ITPR2: variants seen among roughly 807,000 people sequenced by gnomAD.
ITPR2 encodes inositol 1,4,5-trisphosphate-gated calcium channel ITPR2.
ITPR2 carries 207 observed loss-of-function variants against 317.1 expected under a neutral mutation model. The ratio of observed to expected loss-of-function variants is 0.65; its 90% CI spans 0.58 to 0.73. The LOEUF (loss-of-function observed/expected upper bound fraction) is 0.73. Among genes scored for constraint, ITPR2 ranks in the 30% least tolerant of loss-of-function variants. The pLI, the probability that ITPR2 is intolerant of heterozygous loss-of-function variation, is 0.00. For synonymous variants in ITPR2, 1,156 were observed against 1,149.1 expected (o/e 1.01, Z -0.12); for missense variants, 2,613 against 3,284.0 (o/e 0.80, Z 4.99).
rs185208292 is a variant in ITPR2 at position 26,391,672 on chromosome 12, C to T, written c.7697-4078G>A. On this transcript the variant is annotated intron_variant, in intron 54 of 56. Transcript: ENST00000381340. ...CTCGACCTTCCAGGTTTAAGCGATT[C>T]TCCTGCCTCAGCCTCCCGAGTAGCT... Among the ~76,000 whole-genome samples the T allele has an allele frequency of 3.6e-3, 524 of 144,670 alleles. 8 individuals are homozygous for T. Among genetic ancestry groups the T allele is most frequent in the African/African-American group, 0.013 (504 of 38,976 alleles). 94.9% of individuals were successfully genotyped at this position (144,670 alleles called of 152,430 possible).
At position 26,656,500 on chromosome 12, in the gene ITPR2, C is replaced by T. The variant is rs1027983258; in HGVS notation, c.2241G>A (p.Leu747=). 4.3e-6 allele frequency: 7 copies of T among 1,614,072 alleles called. No individual in the cohort carries two copies. Among genetic ancestry groups the T allele is most frequent in the Non-Finnish European group, 5.9e-6 (7 of 1,180,032 alleles). The part of the protein sequence containing the change: ...FARMCLDRQY[L]AINQISTQLS... ...GCTGTGTAGAAATCTGGTTTATGGC[C>T]AGATACTGGCGATCCAAGCACATCC... is the stretch of plus-strand genomic sequence containing the variant. Residue 747 remains leucine, a synonymous_variant, in exon 19 of 57, where the codon CTG becomes CTA. Coordinates refer to ENST00000381340, the MANE Select transcript of ITPR2 (RefSeq NM_002223.4).
intron 34 of ITPR2, among the ~76,000 whole-genome samples, chr12:26,578,108 A>C (rs1945317243): frequency 6.6e-6 from 1 of 152,086 alleles, no homozygotes; most frequent in South Asian, 2.1e-4. Context: ...AGTACAGCCA[A>C]GTGTGCATTT....
At chr12:26,620,705 T>C (rs1228979507) in intron 26 of ITPR2, among the ~76,000 whole-genome samples, 2 of 152,224 alleles carry the variant, frequency 1.3e-5, no homozygotes, top group Non-Finnish European at 2.9e-5. Context: ...GATACTTTTA[T>C]ATATTATATA....
At chr12:26,521,895 T>A (rs974320276) in intron 37 of ITPR2, among the ~76,000 whole-genome samples, 3 of 152,216 alleles carry the variant, frequency 2.0e-5, no homozygotes, top group Non-Finnish European at 4.4e-5. Flanking sequence ...AAACCAACTC[T>A]GAATTCACTC....
chr12:26,584,802 G>A lies in ITPR2; in HGVS notation c.4381-4647C>T, dbSNP rs534721666. Among the ~76,000 whole-genome samples the A allele has an allele frequency of 2.0e-5, 3 of 152,296 alleles. No homozygotes were observed. In the South Asian group the frequency reaches 6.2e-4, roughly 32 times the overall value. ...TACTCTACAGGGCAGGGCACCTCTA[G>A]AGCCAGTCACATACTTTTGATCATA... On this transcript the variant is annotated intron_variant, in intron 32 of 56. Transcript: ENST00000381340.
intron 2 of ITPR2, among the ~76,000 whole-genome samples, chr12:26,758,677 A>C (rs915515220): frequency 1.3e-5 from 2 of 152,188 alleles, no homozygotes; most frequent in African/African-American, 2.4e-5. Context: ...AGATTGTCTT[A>C]ATAAGTGTCC....
intron 1 of ITPR2, among the ~76,000 whole-genome samples, chr12:26,805,930 A>G (rs912119174): frequency 2.0e-5 from 3 of 152,070 alleles, no homozygotes; most frequent in African/African-American, 7.2e-5. Context: ...GAGCACAGGT[A>G]GCTCAACGTG....
rs915270514 is a variant in ITPR2 at position 26,659,629 on chromosome 12, G to A, written c.1714-344C>T. On this transcript the variant is annotated intron_variant, in intron 15 of 56. Transcript: ENST00000381340. ...TTTGGATTTCATCAGTCTAACAGAGGCTAAGTGGGAAAAATAAATCTAATT... is the reference window on the plus strand; with the variant it reads ...TTTGGATTTCATCAGTCTAACAGAGACTAAGTGGGAAAAATAAATCTAATT... Among the ~76,000 whole-genome samples, 3 of 152,154 alleles carry A rather than the reference G, an allele frequency of 2.0e-5. No homozygotes were observed. The South Asian group carries it at 6.2e-4, about 32-fold the overall frequency.
chr12:26,750,719 C>T (rs1949398392), intron 2 of ITPR2, among the ~76,000 whole-genome samples: 1 of 152,102 alleles, frequency 6.6e-6, no homozygotes, highest in Non-Finnish European at 1.5e-5. Context: ...AAGAAACACA[C>T]AGACAGAAGG....
chr12:26,445,532 G>A (rs1236474419), intron 45 of ITPR2, among the ~76,000 whole-genome samples: 1 of 147,300 alleles, frequency 6.8e-6, no homozygotes, highest in Non-Finnish European at 1.5e-5. Flanking sequence ...AAAACCCCAC[G>A]CAGCCAGGTG....
At chr12:26,646,813 C>G (rs996521676) in intron 21 of ITPR2, among the ~76,000 whole-genome samples, 2 of 152,070 alleles carry the variant, frequency 1.3e-5, no homozygotes, top group African/African-American at 4.8e-5. Context: ...TAAGTGACTC[C>G]TCATTTTCTA....
At chr12:26,501,855 G>A (rs1409336317) in intron 37 of ITPR2, among the ~76,000 whole-genome samples, 2 of 152,170 alleles carry the variant, frequency 1.3e-5, no homozygotes, top group Non-Finnish European at 2.9e-5. Flanking sequence ...TCAGATATGT[G>A]GAGTTGAAAC....
At chr12:26,451,847 A>C (rs1437263244) in intron 45 of ITPR2, among the ~76,000 whole-genome samples, 3 of 152,218 alleles carry the variant, frequency 2.0e-5, no homozygotes, top group Non-Finnish European at 2.9e-5. Context: ...CAAAAAATGC[A>C]CTTTAAAATG....
intron 37 of ITPR2, among the ~76,000 whole-genome samples, chr12:26,547,378 C>T (rs1172427161): frequency 6.6e-6 from 1 of 152,150 alleles, no homozygotes; most frequent in Non-Finnish European, 1.5e-5. Flanking sequence ...GCCAGAATGG[C>T]TATTATTAAA....
At chr12:26,383,113 C>T (rs1399847860) in intron 55 of ITPR2, among the ~76,000 whole-genome samples, 1 of 152,106 alleles carries the variant, frequency 6.6e-6, no homozygotes, top group African/African-American at 2.4e-5. Context: ...TCACTCTGGA[C>T]TTAGTTGTTA....
intron 45 of ITPR2, among the ~76,000 whole-genome samples, chr12:26,454,227 A>G (rs964680410): frequency 6.6e-6 from 1 of 152,098 alleles, no homozygotes; most frequent in Admixed American, 6.6e-5. Flanking sequence ...GTTTTTTGAG[A>G]CAGAGTCTTG....
At position 26,591,197 on chromosome 12, in the gene ITPR2, T is replaced by G. The variant is rs192246839; in HGVS notation, c.4380+4268A>C. On this transcript the variant is annotated intron_variant, in intron 32 of 56. Coordinates refer to ENST00000381340, the MANE Select transcript of ITPR2 (RefSeq NM_002223.4). ...ACAAACTGTCCATCTGGCAAGGGAT[T>G]AATAACCAGAATCTATAAGGACCTC... 2.8e-3 allele frequency among the ~76,000 whole-genome samples: 426 copies of G among 151,996 alleles called. 4 individuals are homozygous for G. The highest frequency in any genetic ancestry group is 9.4e-3 in the African/African-American group (388 of 41,476).
intron 1 of ITPR2, among the ~76,000 whole-genome samples, chr12:26,827,518 G>A (rs905659719): frequency 2.0e-5 from 3 of 152,064 alleles, no homozygotes; most frequent in African/African-American, 4.8e-5. Flanking sequence ...AGAGAGGTCC[G>A]GTAAACTCAA....
At chr12:26,360,957 T>C (rs960392215) in intron 55 of ITPR2, among the ~76,000 whole-genome samples, 2 of 152,102 alleles carry the variant, frequency 1.3e-5, no homozygotes, top group East Asian at 1.9e-4. Flanking sequence ...CTCACGCCTG[T>C]AATCCCAAAA....
Sources: allele counts gnomAD v4.1 joint callset (sites outside exome capture counted in the v4.1 genomes callset), GRCh38; gene constraint gnomAD v4.1.1; transcripts MANE v1.5; gene names NCBI Gene and HGNC (gene_info 2026-07-23, HGNC 2026-07-21).